Variants in SGCD observed in about 807,000 individuals in gnomAD.
SGCD encodes the protein delta-sarcoglycan.
A neutral mutation model predicts 36.6 loss-of-function variants in SGCD; 18 were observed. That is an observed-to-expected ratio of 0.49 (90% CI 0.34 to 0.73). The LOEUF (loss-of-function observed/expected upper bound fraction) is 0.73. Among genes scored for constraint, SGCD ranks in the 30% least tolerant of loss-of-function variants. The pLI is 0.01. For synonymous variants in SGCD, 133 were observed against 130.6 expected (o/e 1.02, Z -0.12); for missense variants, 387 against 346.7 (o/e 1.12, Z -0.92).
At chr5:156,647,318 A>G (rs1763266368) in intron 6 of SGCD, 146 bp from the exon 7 acceptor site, 2 of 535,448 alleles carry the variant, frequency 3.7e-6, no homozygotes, top group Non-Finnish European at 6.7e-6. Flanking sequence ...CTTTCCTATC[A>G]TGGAGCTCTA....
chr5:155,972,964 C>G (rs1390236702), intron 1 of SGCD, among the ~76,000 whole-genome samples: 1 of 152,006 alleles, frequency 6.6e-6, no homozygotes, highest in Non-Finnish European at 1.5e-5. Flanking sequence ...TCACATATGT[C>G]GTTAATCTTT....
chr5:156,472,935 T>C (rs1437959187), intron 3 of SGCD, among the ~76,000 whole-genome samples: 1 of 152,204 alleles, frequency 6.6e-6, no homozygotes, highest in African/African-American at 2.4e-5. Context: ...AAATGGTGGT[T>C]TCATGAGTGT....
intron 4 of SGCD, among the ~76,000 whole-genome samples, chr5:156,564,984 C>A (rs1179112426): frequency 2.6e-5 from 4 of 152,160 alleles, no homozygotes; most frequent in Non-Finnish European, 5.9e-5. Context: ...GATTCAAAGT[C>A]AGAAAGTCTC....
chr5:155,764,743 A>T, the SGCD span, among the ~76,000 whole-genome samples: 8 of 152,142 alleles, frequency 5.3e-5, no homozygotes, highest in African/African-American at 1.9e-4. Flanking sequence ...TCTGTAAAAA[A>T]TTGACACCAT....
chr5:155,986,621 G>T (rs1758336502), intron 1 of SGCD, among the ~76,000 whole-genome samples: 1 of 152,176 alleles, frequency 6.6e-6, no homozygotes, highest in African/African-American at 2.4e-5. Context: ...AGAGGCTGAG[G>T]ATTGATCATG....
At chr5:156,014,238 T>C (rs866426473) in intron 1 of SGCD, among the ~76,000 whole-genome samples, 2 of 152,122 alleles carry the variant, frequency 1.3e-5, no homozygotes, top group Non-Finnish European at 2.9e-5. Context: ...CTTTGCTCAT[T>C]CAGTTTCCTT....
chr5:156,369,756 T>C (rs72798937), intron 3 of SGCD, among the ~76,000 whole-genome samples: 8,857 of 152,238 alleles, frequency 0.058, 348 homozygotes, highest in South Asian at 0.18. Flanking sequence ...GTTTGTGGGA[T>C]TTTTTTAATA....
At chr5:155,902,595 C>G (rs1756414595) in intron 1 of SGCD, among the ~76,000 whole-genome samples, 1 of 152,012 alleles carries the variant, frequency 6.6e-6, no homozygotes, top group African/African-American at 2.4e-5. Flanking sequence ...CAGTGTGGTC[C>G]CCTAGTTATT....
At chr5:156,390,500 G>T (rs1771507170) in intron 3 of SGCD, among the ~76,000 whole-genome samples, 1 of 152,310 alleles carries the variant, frequency 6.6e-6, no homozygotes, top group African/African-American at 2.4e-5. Context: ...GGCCATGGCG[G>T]CGGGTGGATC....
At chr5:156,207,988 T>C (rs1764335267) in intron 3 of SGCD, among the ~76,000 whole-genome samples, 1 of 152,190 alleles carries the variant, frequency 6.6e-6, no homozygotes, top group South Asian at 2.1e-4. Flanking sequence ...TGTCTTTAGA[T>C]ATGAAAAGTT....
At chr5:155,795,881 G>A in the SGCD span, among the ~76,000 whole-genome samples, 8 of 152,086 alleles carry the variant, frequency 5.3e-5, no homozygotes, top group Admixed American at 1.3e-4. Context: ...AGCCAGATGC[G>A]TAAAGAGGAA....
rs546492893 is a variant in SGCD, at chr5:156,072,626, G to T, written c.-281-45252G>T. On this transcript the variant is annotated intron_variant, in intron 1 of 9. Coordinates refer to the SGCD transcript ENST00000517913. The stretch of plus-strand genomic sequence containing the variant: ...TATGTGTCTTGGAGTTGTTCTTCTT[G>T]AGGAGTATCTTTGTGGTGTTCTCTG... 1.2e-4 allele frequency among the ~76,000 whole-genome samples: 18 copies of T among 152,192 alleles called. No homozygotes were observed. In the East Asian group the frequency reaches 3.5e-3, roughly 29 times the overall value.
intron 7 of SGCD, among the ~76,000 whole-genome samples, chr5:156,708,902 G>A (rs1754860135): frequency 6.6e-6 from 1 of 152,142 alleles, no homozygotes. Context: ...CTCTAGGGCA[G>A]TGAATTCTAG....
intron 1 of SGCD, among the ~76,000 whole-genome samples, chr5:156,079,924 CA>C (rs1228695968): frequency 2.0e-5 from 3 of 152,234 alleles, no homozygotes; most frequent in Non-Finnish European, 2.9e-5. Flanking sequence ...GTGGGGCCTT[CA>C]GCCCCACATT....
intron 7 of SGCD, among the ~76,000 whole-genome samples, chr5:156,690,221 C>T (rs1434323721): frequency 6.6e-6 from 1 of 152,090 alleles, no homozygotes; most frequent in Non-Finnish European, 1.5e-5. Context: ...GGAAACTTGC[C>T]TAGAATTATG....
At chr5:156,683,832 G>C (rs1753808753) in intron 7 of SGCD, among the ~76,000 whole-genome samples, 1 of 152,104 alleles carries the variant, frequency 6.6e-6, no homozygotes, top group South Asian at 2.1e-4. Context: ...ATGATATTTG[G>C]TAGACAAAGT....
At chr5:156,077,591 T>C (rs1047705447) in intron 1 of SGCD, among the ~76,000 whole-genome samples, 1 of 152,178 alleles carries the variant, frequency 6.6e-6, no homozygotes, top group Non-Finnish European at 1.5e-5. Context: ...TTTTGACTCA[T>C]GGGGTATATC....
the SGCD span, among the ~76,000 whole-genome samples, chr5:155,734,470 G>A: frequency 2.0e-5 from 3 of 151,850 alleles, no homozygotes; most frequent in Admixed American, 6.6e-5. Flanking sequence ...CCTTGGCCTC[G>A]CAAAGTTTTG....
At chr5:155,870,346 G>C (rs1195126075) in exon 1 of SGCD, 1 of 152,208 alleles carries the variant, frequency 6.6e-6, no homozygotes, top group East Asian at 1.9e-4. Context: ...GTTCATAGGT[G>C]ATATCTATTG....
Sources: gnomAD v4.1 joint callset for allele counts (sites outside exome capture counted in the v4.1 genomes callset) on GRCh38, gnomAD v4.1.1 for gene constraint, MANE v1.5 for transcripts, NCBI Gene and HGNC (gene_info 2026-07-23, HGNC 2026-07-21) for gene names.